TMEM273: variants seen among roughly 807,000 people sequenced by gnomAD.
TMEM273 encodes the protein transmembrane protein 273, also known as chromosome 10 open reading frame 128.
In TMEM273, 19 loss-of-function variants were observed where a neutral mutation model predicts 17.9. The ratio of observed to expected loss-of-function variants is 1.06; its 90% CI spans 0.74 to 1.55. The LOEUF is 1.55. Ranked by LOEUF, TMEM273 falls within the 40% of genes most tolerant of loss-of-function variation. The probability of loss-of-function intolerance (pLI) is 0.00; values close to 1 mark genes in which losing one functional copy is unlikely to be tolerated. For missense variants in TMEM273, 194 were observed against 155.6 expected (o/e 1.25, Z -1.31); for synonymous variants, 66 against 62.0 (o/e 1.07, Z -0.31).
chr10:49,188,364 T>C lies in TMEM273; in HGVS notation c.-28A>G, dbSNP rs1337692884. Reference sequence around the variant, plus strand: ...TGGCGCTCTGCTCTTGGCTCCTGGCTCCTGGCTGCTGGCAGCGCAGGCACA... The same window carrying C: ...TGGCGCTCTGCTCTTGGCTCCTGGCCCCTGGCTGCTGGCAGCGCAGGCACA... On this transcript the variant is annotated 5_prime_UTR_variant, in exon 1 of 7. Coordinates refer to ENST00000374153, the MANE Select transcript of TMEM273 (RefSeq NM_001288740.3). The C allele has an allele frequency of 1.2e-6, 2 of 1,614,050 alleles. No individual in the cohort carries two copies. Among genetic ancestry groups the C allele is most frequent in the Non-Finnish European group, 1.7e-6 (2 of 1,179,972 alleles).
At chr10:49,178,496 T>A in intron 1 of TMEM273, 1 of 339,234 alleles carries the variant, frequency 2.9e-6, no homozygotes, top group South Asian at 2.3e-5. Flanking sequence ...ACAGATGACA[T>A]GTGAGGAGGC....
At chr10:49,174,992 A>C (rs1846856004) in intron 1 of TMEM273, among the ~76,000 whole-genome samples, 1 of 151,988 alleles carries the variant, frequency 6.6e-6, no homozygotes, top group Admixed American at 6.6e-5. Flanking sequence ...GTGTCACAGA[A>C]GCTCCCCCGG....
chr10:49,166,778 G>A, intron 3 of TMEM273, 91 bp downstream of exon 3: 2 of 1,569,384 alleles, frequency 1.3e-6, no homozygotes, highest in Non-Finnish European at 8.7e-7. Context: ...CTGCGCTTGT[G>A]GGTTCATTCT....
At chr10:49,156,897 G>A (rs1276169697) in intron 6 of TMEM273, among the ~76,000 whole-genome samples, 1 of 152,220 alleles carries the variant, frequency 6.6e-6, no homozygotes, top group African/African-American at 2.4e-5. Context: ...AGAGGAAGTG[G>A]TGAGAAAAGT....
chr10:49,186,934 C>A (rs776600034), intron 1 of TMEM273, among the ~76,000 whole-genome samples: 1 of 152,104 alleles, frequency 6.6e-6, no homozygotes, highest in African/African-American at 2.4e-5. Flanking sequence ...CTAAAAAATG[C>A]GAGGAGGTGT....
chr10:49,172,500 C>T (rs904836104), intron 1 of TMEM273, among the ~76,000 whole-genome samples: 3 of 152,172 alleles, frequency 2.0e-5, no homozygotes, highest in African/African-American at 2.4e-5. Context: ...GGCCCCACAG[C>T]CAGACCCCCA....
chr10:49,166,985 G>A lies in TMEM273; in HGVS notation c.122C>T (p.Thr41Ile). ...AGCAGATATGGCGACACCCACAGCAGTCCCGATGAGGGCGTACTTGAAATC... is the reference window on the plus strand; with the variant it reads ...AGCAGATATGGCGACACCCACAGCAATCCCGATGAGGGCGTACTTGAAATC... The part of the protein sequence containing the change: ...EIDFKYALIG[T>I]AVGVAISAGF... The change falls in exon 3 of 7, where the codon ACT becomes ATT. Residue 41 changes from threonine to isoleucine, a missense_variant. By Grantham distance (89) the Thr-to-Ile change is moderately conservative. Transcript: ENST00000374153. 3 of 1,614,194 alleles carry A rather than the reference G, an allele frequency of 1.9e-6. No homozygotes were observed. Among genetic ancestry groups the A allele is most frequent in the Non-Finnish European group, 2.5e-6 (3 of 1,180,034 alleles).
At chr10:49,165,629 A>C in intron 4 of TMEM273, 137 bp downstream of exon 4, 1 of 1,332,332 alleles carries the variant, frequency 7.5e-7, no homozygotes, top group Non-Finnish European at 1.0e-6. Flanking sequence ...TAAGGAGGGG[A>C]CCACGAGGTG....
chr10:49,160,062 T>C (rs895458793), intron 6 of TMEM273, among the ~76,000 whole-genome samples: 1 of 152,210 alleles, frequency 6.6e-6, no homozygotes, highest in Non-Finnish European at 1.5e-5. Flanking sequence ...CTATTAAATA[T>C]AGAAGAAATG....
intron 1 of TMEM273, among the ~76,000 whole-genome samples, chr10:49,179,543 A>G (rs1024036815): frequency 2.0e-5 from 3 of 152,246 alleles, no homozygotes; most frequent in Non-Finnish European, 4.4e-5. Flanking sequence ...TTTTCTGGAA[A>G]GATGAAATAG....
chr10:49,158,680 A>T (rs1262365968), intron 6 of TMEM273, among the ~76,000 whole-genome samples: 1 of 152,236 alleles, frequency 6.6e-6, no homozygotes, highest in South Asian at 2.1e-4. Flanking sequence ...TAAAGCCTAG[A>T]AATACCCTAG....
chr10:49,155,862 C>A lies in TMEM273; in HGVS notation c.*30G>T. On this transcript the variant is annotated 3_prime_UTR_variant, in exon 7 of 7. Coordinates refer to ENST00000374153, the MANE Select transcript of TMEM273 (RefSeq NM_001288740.3). Reference sequence around the variant, plus strand: ...TGGGCTGTTTTCCACGGGGCTAGAACCCCTCTTCACGTCACTGCTCACCTA... The same window carrying A: ...TGGGCTGTTTTCCACGGGGCTAGAAACCCTCTTCACGTCACTGCTCACCTA... 2 of 1,614,164 alleles carry A rather than the reference C, an allele frequency of 1.2e-6. No individual in the cohort carries two copies. The highest frequency in any genetic ancestry group is 1.7e-6 in the Non-Finnish European group (2 of 1,180,028).
At chr10:49,187,299 CT>C (rs1410209652) in intron 1 of TMEM273, among the ~76,000 whole-genome samples, 2 of 152,184 alleles carry the variant, frequency 1.3e-5, no homozygotes, top group African/African-American at 4.8e-5. Context: ...GTCTGACATG[CT>C]GACTCCCAAG....
At chr10:49,163,968 C>T (rs73304781) in intron 5 of TMEM273, among the ~76,000 whole-genome samples, 4,495 of 152,178 alleles carry the variant, frequency 0.03, 228 homozygotes, top group African/African-American at 0.1. Flanking sequence ...TTAATCCATC[C>T]GCTCCTTCAA....
In TMEM273 at chr10:49,155,835, C is replaced by A; in HGVS notation, c.*57G>T. On this transcript the variant is annotated 3_prime_UTR_variant, in exon 7 of 7. Coordinates refer to ENST00000374153, the MANE Select transcript of TMEM273 (RefSeq NM_001288740.3). The stretch of plus-strand genomic sequence containing the variant: ...ATGCAGAACATCCTGAGATGTTAAC[C>A]ATGGGCTGTTTTCCACGGGGCTAGA... 6.2e-7 allele frequency: 1 copy of A among 1,613,760 alleles called. No homozygotes were observed. Among genetic ancestry groups the A allele is most frequent in the East Asian group, 2.2e-5 (1 of 44,888 alleles).
At chr10:49,157,228 G>T (rs1417901133) in intron 6 of TMEM273, among the ~76,000 whole-genome samples, 1 of 152,240 alleles carries the variant, frequency 6.6e-6, no homozygotes, top group African/African-American at 2.4e-5. Flanking sequence ...CTACCTTATG[G>T]ATGAAGTTGT....
At chr10:49,184,039 G>T (rs1847516388) in intron 1 of TMEM273, among the ~76,000 whole-genome samples, 1 of 152,020 alleles carries the variant, frequency 6.6e-6, no homozygotes, top group Non-Finnish European at 1.5e-5. Context: ...TATTAAATGG[G>T]TACAGAATAG....
At chr10:49,166,022 G>A (rs1388209713) in intron 3 of TMEM273, among the ~76,000 whole-genome samples, 2 of 152,090 alleles carry the variant, frequency 1.3e-5, no homozygotes, top group African/African-American at 4.8e-5. Context: ...GGCCTATTAA[G>A]CCCCTCGGGC....
intron 5 of TMEM273, among the ~76,000 whole-genome samples, chr10:49,163,442 G>A (rs1403168087): frequency 6.6e-6 from 1 of 152,106 alleles, no homozygotes; most frequent in African/African-American, 2.4e-5. Flanking sequence ...AACGTGACAT[G>A]GCCAGCAAGA....
Sources: allele counts gnomAD v4.1 joint callset (sites outside exome capture counted in the v4.1 genomes callset), GRCh38; gene constraint gnomAD v4.1.1; transcripts MANE v1.5; gene names NCBI Gene and HGNC (gene_info 2026-07-23, HGNC 2026-07-21).